Variants in ZNF227 observed in about 807,000 individuals in gnomAD.
ZNF227 encodes zinc finger protein 227.
Under a neutral mutation model 13.2 loss-of-function variants are expected in ZNF227, and 12 were observed. The observed-to-expected ratio is 0.91, with a 90% CI of 0.58 to 1.47. ZNF227 has a LOEUF of 1.47. Among genes scored for constraint, ZNF227 ranks in the 40% most tolerant of loss-of-function variants. The pLI, the probability that ZNF227 is intolerant of heterozygous loss-of-function variation, is 0.00. For missense variants in ZNF227, 885 were observed against 967.5 expected (o/e 0.91, Z 1.13); for synonymous variants, 338 against 326.0 (o/e 1.04, Z -0.40).
intron 4 of ZNF227, chr19:44,228,831 C>T (rs1280331277): frequency 2.2e-6 from 1 of 451,444 alleles, no homozygotes; most frequent in Non-Finnish European, 3.8e-6. Context: ...GGTTGTCACA[C>T]CTGACAGAGG....
intron 3 of ZNF227, among the ~76,000 whole-genome samples, chr19:44,225,570 G>A (rs1288954560): frequency 1.3e-5 from 2 of 152,080 alleles, no homozygotes; most frequent in Non-Finnish European, 2.9e-5. Flanking sequence ...GGCTCCTGAG[G>A]CTTCTGCATT....
chr19:44,234,920 A>G lies in ZNF227; in HGVS notation c.490A>G (p.Ile164Val). 6.2e-7 allele frequency: 1 copy of G among 1,613,010 alleles called. No individual in the cohort carries two copies. Among genetic ancestry groups the G allele is most frequent in the Non-Finnish European group, 8.5e-7 (1 of 1,179,798 alleles). The change falls in exon 6 of 6, where the codon ATT becomes GTT. Residue 164 changes from isoleucine (I) to valine (V), a missense_variant. Ile to Val is a conservative substitution (Grantham distance 29, BLOSUM62 3). Coordinates refer to ENST00000313040, the MANE Select transcript of ZNF227 (RefSeq NM_182490.3). ...CCCTAAAGGAGATAGCTCTATTTAT[A>G]TTGAAAATCAAGAGTTTCCATTTTG... The part of the protein sequence containing the change: ...MNPKGDSSIY[I>V]ENQEFPFWRT...
intron 3 of ZNF227, among the ~76,000 whole-genome samples, chr19:44,225,067 C>A (rs1217201364): frequency 2.0e-5 from 3 of 151,892 alleles, no homozygotes; most frequent in African/African-American, 7.3e-5. Context: ...GTTGAAAATT[C>A]TTTTCTTTAA....
chr19:44,212,982 G>A (rs1369471946), intron 1 of ZNF227, 108 bp from the exon 2 acceptor site: 1 of 152,164 alleles, frequency 6.6e-6, no homozygotes, highest in Non-Finnish European at 1.5e-5. Flanking sequence ...GGAAGCTCCA[G>A]TGAAGAGAGA....
At position 44,234,939 on chromosome 19, in the gene ZNF227, C is replaced by T. The variant is rs1304775943; in HGVS notation, c.509C>T (p.Pro170Leu). 6.2e-7 allele frequency: 1 copy of T among 1,613,352 alleles called. No homozygotes were observed. The highest frequency in any genetic ancestry group is 8.5e-7 in the Non-Finnish European group (1 of 1,179,912). The change falls in exon 6 of 6, where the codon CCA becomes CTA. Residue 170 changes from proline to leucine, a missense_variant. Coordinates refer to ENST00000313040, the MANE Select transcript of ZNF227 (RefSeq NM_182490.3). The stretch of plus-strand genomic sequence containing the variant: ...ATTTATATTGAAAATCAAGAGTTTC[C>T]ATTTTGGAGAACCCAGCATTCTTGC... ...SSIYIENQEF[P>L]FWRTQHSCGN...
chr19:44,224,141 T>G (rs947361093), intron 3 of ZNF227, among the ~76,000 whole-genome samples: 13 of 152,236 alleles, frequency 8.5e-5, no homozygotes, highest in Non-Finnish European at 1.8e-4. Context: ...AGACAGTTTG[T>G]TATAATTTCT....
chr19:44,221,233 T>C (rs550552252), intron 3 of ZNF227, among the ~76,000 whole-genome samples: 2 of 152,312 alleles, frequency 1.3e-5, no homozygotes, highest in Non-Finnish European at 2.9e-5. Context: ...CATGTGCATG[T>C]GTCTTCATAG....
chr19:44,236,076 G>T lies in ZNF227; in HGVS notation c.1646G>T (p.Arg549Ile), dbSNP rs781474151. The T allele has an allele frequency of 6.2e-7, 1 of 1,612,188 alleles. No individual in the cohort carries two copies. The highest frequency in any genetic ancestry group is 8.5e-7 in the Non-Finnish European group (1 of 1,179,424). ...QRVHTGEKPYRCDVCGKDFSY... is the reference protein window; with the variant it reads ...QRVHTGEKPYICDVCGKDFSY... The stretch of plus-strand genomic sequence containing the variant: ...GTCCACACTGGAGAGAAACCATATA[G>T]ATGTGATGTGTGTGGTAAGGACTTC... Residue 549 changes from arginine (R) to isoleucine (I), a missense_variant, in exon 6 of 6, where the codon AGA (arginine) becomes ATA (isoleucine). Transcript: ENST00000313040.
chr19:44,219,759 T>TTTTATTTATTTA lies in ZNF227; in HGVS notation c.60+1926_60+1937dup, dbSNP rs370761338. Among the ~76,000 whole-genome samples the TTTTATTTATTTA allele has an allele frequency of 1.5e-3, 218 of 149,436 alleles. 1 individual carries two copies. Among genetic ancestry groups the TTTTATTTATTTA allele is most frequent in the African/African-American group, 4.9e-3 (197 of 40,604 alleles). ...CTTTTTTTTTTGGATGTTGATTTTC[T>TTTTATTTATTTA]TTTATTTATTTATTTATTTATTTAT... On this transcript the variant is annotated intron_variant, in intron 3 of 5. Transcript: ENST00000313040.
intron 3 of ZNF227, 99 bp downstream of exon 3, chr19:44,217,951 GAT>G: frequency 7.3e-7 from 1 of 1,375,898 alleles, no homozygotes; most frequent in Non-Finnish European, 1.0e-6. Flanking sequence ...GTGGGAAACA[GAT>G]ATTCAGGACA....
At chr19:44,216,613 C>T (rs1481103610) in intron 2 of ZNF227, among the ~76,000 whole-genome samples, 3 of 152,194 alleles carry the variant, frequency 2.0e-5, no homozygotes, top group Non-Finnish European at 4.4e-5. Context: ...CCTGCCTTCT[C>T]TTCTCCCATT....
At chr19:44,226,902 A>G (rs1973227634) in intron 3 of ZNF227, among the ~76,000 whole-genome samples, 1 of 152,184 alleles carries the variant, frequency 6.6e-6, no homozygotes, top group Non-Finnish European at 1.5e-5. Context: ...AGCTGTTCCT[A>G]TTCAGCCATC....
chr19:44,227,807 C>G (rs552096405), intron 3 of ZNF227, among the ~76,000 whole-genome samples: 90 of 152,278 alleles, frequency 5.9e-4, no homozygotes, highest in East Asian at 7.7e-4. Flanking sequence ...GACTCCAGAG[C>G]CAGTGCTTTA....
intron 3 of ZNF227, among the ~76,000 whole-genome samples, chr19:44,225,761 A>G (rs1023156009): frequency 3.3e-5 from 5 of 151,758 alleles, no homozygotes; most frequent in East Asian, 1.9e-4. Context: ...CCTTCTCTCA[A>G]CTCGTCAAAG....
chr19:44,233,056 T>G (rs148951622), intron 5 of ZNF227, among the ~76,000 whole-genome samples: 27 of 152,218 alleles, frequency 1.8e-4, no homozygotes, highest in African/African-American at 6.5e-4. Flanking sequence ...GGGGTGTCAT[T>G]ACTCAGCCTG....
chr19:44,224,960 C>G (rs1471042965), intron 3 of ZNF227, among the ~76,000 whole-genome samples: 1 of 152,058 alleles, frequency 6.6e-6, no homozygotes, highest in Non-Finnish European at 1.5e-5. Flanking sequence ...TAGGGCAGGC[C>G]TGGTGGTGAC....
chr19:44,234,628 T>A (rs1309486424), intron 5 of ZNF227, 74 bp from the exon 6 acceptor site: 9 of 1,380,966 alleles, frequency 6.5e-6, no homozygotes, highest in African/African-American at 4.4e-5. Context: ...GGCCTAAGTG[T>A]GAAATTCTGA....
intron 3 of ZNF227, among the ~76,000 whole-genome samples, chr19:44,221,457 A>T (rs1972504921): frequency 6.6e-6 from 1 of 152,134 alleles, no homozygotes; most frequent in African/African-American, 2.4e-5. Context: ...TGCCATTCTA[A>T]CTGGTGTGAG....
chr19:44,236,362 C>T lies in ZNF227; in HGVS notation c.1932C>T (p.Ser644=), dbSNP rs750536652. 6.2e-7 allele frequency: 1 copy of T among 1,613,874 alleles called. No individual in the cohort carries two copies. Among genetic ancestry groups the T allele is most frequent in the Non-Finnish European group, 8.5e-7 (1 of 1,179,962 alleles). Residue 644 remains serine (S), a synonymous_variant, in exon 6 of 6, where the codon TCC becomes TCT. Coordinates refer to ENST00000313040, the MANE Select transcript of ZNF227 (RefSeq NM_182490.3). ...TCTGTGGTAAGGGCTTCAGTCAGTC[C>T]TCTGGTCTTCAATCCCATCAGAGAG... ...CGVCGKGFSQ[S]SGLQSHQRVH... is the part of the protein sequence containing the mutation.
Sources: allele counts gnomAD v4.1 joint callset (sites outside exome capture counted in the v4.1 genomes callset), GRCh38; gene constraint gnomAD v4.1.1; transcripts MANE v1.5; gene names NCBI Gene and HGNC (gene_info 2026-07-23, HGNC 2026-07-21).